VCL: variants seen among roughly 807,000 people sequenced by gnomAD.
The protein encoded by VCL is vinculin.
VCL carries 47 observed loss-of-function variants against 125.7 expected under a neutral mutation model. The observed-to-expected ratio is 0.37, with a 90% CI of 0.30 to 0.48. VCL has a LOEUF of 0.48. Ranked by LOEUF, VCL falls within the 20% of genes least tolerant of loss-of-function variation. The pLI is 0.99. For missense variants in VCL, 1,069 were observed against 1,455.5 expected (o/e 0.73, Z 4.32); for synonymous variants, 458 against 514.6 (o/e 0.89, Z 1.49).
chr10:74,114,786 T>C lies in VCL; in HGVS notation c.3154-9T>C, dbSNP rs746002846. 1 of 1,596,898 alleles carries C rather than the reference T, an allele frequency of 6.3e-7. No homozygotes were observed. Among genetic ancestry groups the C allele is most frequent in the South Asian group, 1.1e-5 (1 of 87,984 alleles). ...CAGAGAAACATACCAAATTAAACTT[T>C]CTCTTTAGGTATGTGAGCGAATCCC... On this transcript the variant is annotated splice_polypyrimidine_tract_variant and intron_variant, in intron 20 of 21. Coordinates refer to ENST00000211998, the MANE Select transcript of VCL (RefSeq NM_014000.3).
chr10:74,029,041 A>G (rs767366081), intron 1 of VCL, among the ~76,000 whole-genome samples: 1 of 151,060 alleles, frequency 6.6e-6, no homozygotes, highest in Non-Finnish European at 1.5e-5. Context: ...TTGGTCTCAA[A>G]CTCTTGGCCT....
At chr10:74,062,810 A>G (rs572976366) in intron 2 of VCL, among the ~76,000 whole-genome samples, 2 of 152,184 alleles carry the variant, frequency 1.3e-5, no homozygotes, top group African/African-American at 4.8e-5. Context: ...GCTTACACCT[A>G]TAATCCCAAC....
intron 5 of VCL, 100 bp from the exon 6 acceptor site, chr10:74,074,643 T>C: frequency 1.4e-6 from 2 of 1,426,436 alleles, no homozygotes; most frequent in Non-Finnish European, 1.9e-6. Context: ...TTTAGGATCT[T>C]AAAAGCCCAA....
chr10:74,082,664 C>A, intron 7 of VCL, 120 bp downstream of exon 7: 3 of 1,010,936 alleles, frequency 3.0e-6, no homozygotes, highest in Non-Finnish European at 4.6e-6. Flanking sequence ...CATTATGGGG[C>A]ATACCCCATT....
intron 18 of VCL, among the ~76,000 whole-genome samples, chr10:74,111,199 G>A (rs1484785261): frequency 1.3e-5 from 2 of 152,180 alleles, no homozygotes; most frequent in Non-Finnish European, 2.9e-5. Flanking sequence ...TGAGATGGGC[G>A]GCTGACGAGG....
At chr10:74,032,241 A>G (rs945508377) in intron 1 of VCL, among the ~76,000 whole-genome samples, 1 of 78,032 alleles carries the variant, frequency 1.3e-5, no homozygotes, top group African/African-American at 6.4e-5. Context: ...GTTTCAGAAT[A>G]AAAAAAAAAA....
chr10:74,103,831 T>A lies in VCL; in HGVS notation c.2034T>A (p.Ala678=). 1 of 1,614,184 alleles carries A rather than the reference T, an allele frequency of 6.2e-7. No individual in the cohort carries two copies. The highest frequency in any genetic ancestry group is 1.1e-5 in the South Asian group (1 of 91,080). The part of the protein sequence containing the change: ...ARELTPQVVS[A]ARILLRNPGN... ...TTTGTCATTGTCAGGTGGTCTCGGC[T>A]GCTCGTATCTTACTTAGGAACCCTG... The change falls in exon 15 of 22, where the codon GCT becomes GCA. Residue 678 remains alanine (A), a synonymous_variant. Coordinates refer to ENST00000211998, the MANE Select transcript of VCL (RefSeq NM_014000.3).
At chr10:74,026,412 A>C (rs1175031603) in intron 1 of VCL, among the ~76,000 whole-genome samples, 1 of 152,230 alleles carries the variant, frequency 6.6e-6, no homozygotes, top group Non-Finnish European at 1.5e-5. Context: ...GCAAATTGAC[A>C]AACTTCTCTG....
At chr10:74,074,697 AC>A in intron 5 of VCL, 45 bp from the exon 6 acceptor site, 6 of 1,601,966 alleles carry the variant, frequency 3.7e-6, no homozygotes, top group Non-Finnish European at 5.1e-6. Context: ...TTGTTATACA[AC>A]AAGATTAAAT....
chr10:74,042,991 A>G, intron 1 of VCL, 92 bp from the exon 2 acceptor site: 1 of 1,253,646 alleles, frequency 8.0e-7, no homozygotes, highest in Non-Finnish European at 1.1e-6. Context: ...ATGATAGATT[A>G]TGTTTAAGTA....
intron 1 of VCL, among the ~76,000 whole-genome samples, chr10:74,002,306 G>T (rs1351191971): frequency 6.6e-6 from 1 of 151,126 alleles, no homozygotes; most frequent in African/African-American, 2.4e-5. Flanking sequence ...TGGATTTTTA[G>T]TAGAGACGGG....
At chr10:74,090,343 A>G in intron 10 of VCL, 145 bp downstream of exon 10, 1 of 883,908 alleles carries the variant, frequency 1.1e-6, no homozygotes. Context: ...CTCTTCCACT[A>G]TATTCTCATT....
chr10:74,087,124 G>GA (rs879507906), intron 8 of VCL, among the ~76,000 whole-genome samples: 1 of 151,714 alleles, frequency 6.6e-6, no homozygotes, highest in African/African-American at 2.4e-5. Context: ...TAGATTTGAA[G>GA]AAAAAAAGCA....
intron 1 of VCL, among the ~76,000 whole-genome samples, chr10:74,007,048 G>A (rs903790620): frequency 3.3e-5 from 5 of 151,620 alleles, no homozygotes; most frequent in African/African-American, 4.8e-5. Context: ...TCACTGTAGC[G>A]TCGACCTACT....
intron 6 of VCL, among the ~76,000 whole-genome samples, chr10:74,078,710 G>A (rs1839632355): frequency 6.6e-6 from 1 of 152,130 alleles, no homozygotes; most frequent in African/African-American, 2.4e-5. Flanking sequence ...ACCCAGAGAA[G>A]GTAACTTGCA....
chr10:74,106,606 G>C (rs1206409590), intron 16 of VCL, among the ~76,000 whole-genome samples: 1 of 152,192 alleles, frequency 6.6e-6, no homozygotes, highest in East Asian at 1.9e-4. Context: ...TGCAGTCAAT[G>C]CAAGAGAGTA....
chr10:74,022,538 TC>T (rs1840690052), intron 1 of VCL, among the ~76,000 whole-genome samples: 1 of 150,278 alleles, frequency 6.7e-6, no homozygotes, highest in Non-Finnish European at 1.5e-5. Context: ...AGAGCGAGAC[TC>T]CGTCTCAAGA....
chr10:74,000,188 T>C (rs1477925029), intron 1 of VCL, among the ~76,000 whole-genome samples: 1 of 151,706 alleles, frequency 6.6e-6, no homozygotes, highest in Non-Finnish European at 1.5e-5. Flanking sequence ...AGAGTGTTCA[T>C]GAAAATCATC....
intron 2 of VCL, 144 bp downstream of exon 2, chr10:74,043,297 T>C: frequency 1.3e-6 from 1 of 769,664 alleles, no homozygotes; most frequent in Non-Finnish European, 2.1e-6. Context: ...CTTCTAACTT[T>C]TTTAAAAAAA....
Sources: gnomAD v4.1 joint callset for allele counts (sites outside exome capture counted in the v4.1 genomes callset) on GRCh38, gnomAD v4.1.1 for gene constraint, MANE v1.5 for transcripts, NCBI Gene and HGNC (gene_info 2026-07-23, HGNC 2026-07-21) for gene names.